CACNA1D: variants seen among roughly 807,000 people sequenced by gnomAD.
CACNA1D encodes calcium voltage-gated channel subunit alpha1 D.
CACNA1D carries 55 observed loss-of-function variants against 257.1 expected under a neutral mutation model. The ratio of observed to expected loss-of-function variants is 0.21; its 90% CI spans 0.17 to 0.27. The LOEUF (loss-of-function observed/expected upper bound fraction) is 0.27, where lower values mean the gene tolerates loss of function less well. Ranked by LOEUF, CACNA1D falls within the 10% of genes least tolerant of loss-of-function variation. The pLI is 1.00. For synonymous variants in CACNA1D, 980 were observed against 1,014.9 expected (o/e 0.97, Z 0.65); for missense variants, 1,876 against 2,784.0 (o/e 0.67, Z 7.34).
chr3:53,495,252 G>A lies in CACNA1D; in HGVS notation c.67+19G>A, dbSNP rs1274414566. ...GCGAACGGTGAGCAGCCAGAGCCCG[G>A]GCACCCGCTGCCAAATCCGATCCTG... On this transcript the variant is annotated intron_variant, in intron 1 of 47. Transcript: ENST00000350061. The surrounding 1 kb of genome is among the most constrained non-coding windows in gnomAD (Gnocchi z 5.1). 3 of 1,613,310 alleles carry A rather than the reference G, an allele frequency of 1.9e-6. No homozygotes were observed. Among genetic ancestry groups the A allele is most frequent in the Admixed American group, 1.7e-5 (1 of 60,020 alleles).
chr3:53,501,249 G>A (rs375737340), intron 2 of CACNA1D, among the ~76,000 whole-genome samples: 1 of 152,218 alleles, frequency 6.6e-6, no homozygotes, highest in African/African-American at 2.4e-5. Context: ...TACCACAGCC[G>A]GGAACTTAGT....
intron 3 of CACNA1D, among the ~76,000 whole-genome samples, chr3:53,548,553 G>C (rs1553723275): frequency 6.6e-6 from 1 of 152,058 alleles, no homozygotes; most frequent in Non-Finnish European, 1.5e-5. Context: ...CAGGTTGCTT[G>C]CCCCTGCAGG....
intron 8 of CACNA1D, among the ~76,000 whole-genome samples, chr3:53,680,372 A>G (rs2094418533): frequency 6.6e-6 from 1 of 151,816 alleles, no homozygotes; most frequent in Non-Finnish European, 1.5e-5. Flanking sequence ...TAATGTACAG[A>G]AAGACCTCTG....
intron 8 of CACNA1D, among the ~76,000 whole-genome samples, chr3:53,685,015 C>T (rs1001155360): frequency 7.9e-5 from 12 of 151,960 alleles, no homozygotes; most frequent in African/African-American, 1.5e-4. Context: ...GTACCAACAA[C>T]GAGATGGTAG....
intron 9 of CACNA1D, among the ~76,000 whole-genome samples, chr3:53,708,143 G>A (rs1282160985): frequency 1.3e-5 from 2 of 152,240 alleles, no homozygotes; most frequent in African/African-American, 2.4e-5. Context: ...TGCTTTGGGG[G>A]TGGACAGAAA....
intron 39 of CACNA1D, among the ~76,000 whole-genome samples, chr3:53,782,145 G>C (rs1328322268): frequency 6.6e-6 from 1 of 150,490 alleles, no homozygotes; most frequent in Non-Finnish European, 1.5e-5. Context: ...TAACTAACAG[G>C]CATGCTTATT....
intron 9 of CACNA1D, among the ~76,000 whole-genome samples, chr3:53,704,107 C>T (rs999832338): frequency 9.9e-5 from 15 of 152,140 alleles, no homozygotes; most frequent in Middle Eastern, 3.4e-3. Flanking sequence ...GTATGAAGGT[C>T]GGGGTGAGCT....
intron 18 of CACNA1D, 105 bp from the exon 19 acceptor site, chr3:53,732,710 A>G (rs1559590724): frequency 1.0e-6 from 1 of 983,606 alleles, no homozygotes; most frequent in East Asian, 2.4e-5. Flanking sequence ...GTAAGCAGGT[A>G]GATGTTGTTA....
intron 9 of CACNA1D, among the ~76,000 whole-genome samples, chr3:53,712,279 T>C (rs1297701535): frequency 6.6e-6 from 1 of 152,220 alleles, no homozygotes; most frequent in African/African-American, 2.4e-5. Flanking sequence ...TGGCTTTTTA[T>C]TGACTGAAAT....
rs1295574552 is a variant in CACNA1D at position 53,749,506 on chromosome 3, G to A, written c.3516+37G>A. 7 of 1,456,456 alleles carry A rather than the reference G, an allele frequency of 4.8e-6. No homozygotes were observed. The African/African-American group carries it at 8.4e-5, about 17-fold the overall frequency. 90.2% of individuals were successfully genotyped at this position (1,456,456 alleles called of 1,614,324 possible). ...ACACTGTTTTGGCTTCTGTCCCTTGGTCAGGAGCGGAGTGCCTTCTTTATT... is the reference window on the plus strand; with the variant it reads ...ACACTGTTTTGGCTTCTGTCCCTTGATCAGGAGCGGAGTGCCTTCTTTATT... On this transcript the variant is annotated intron_variant, in intron 27 of 47. Coordinates refer to ENST00000350061, the MANE Select transcript of CACNA1D (RefSeq NM_001128840.3).
chr3:53,590,249 C>A (rs1170449166), intron 3 of CACNA1D, among the ~76,000 whole-genome samples: 1 of 152,222 alleles, frequency 6.6e-6, no homozygotes, highest in East Asian at 1.9e-4. Flanking sequence ...AGCTTCTAGA[C>A]CGTGTCCTCT....
intron 38 of CACNA1D, among the ~76,000 whole-genome samples, chr3:53,780,646 T>C (rs2095420888): frequency 6.6e-6 from 1 of 152,230 alleles, no homozygotes. Flanking sequence ...TCTTCCCAGC[T>C]GAGAGACCAA....
intron 3 of CACNA1D, among the ~76,000 whole-genome samples, chr3:53,631,938 C>T (rs1245070013): frequency 6.6e-6 from 1 of 152,212 alleles, no homozygotes; most frequent in East Asian, 1.9e-4. Flanking sequence ...GCTTTGTTTT[C>T]CATTTATAGA....
chr3:53,710,419 AAG>A (rs1457401386), intron 9 of CACNA1D: 1 of 456,644 alleles, frequency 2.2e-6, no homozygotes, highest in Non-Finnish European at 4.4e-6. Flanking sequence ...GACTTGCTTA[AAG>A]AGGATAAGAA....
intron 3 of CACNA1D, among the ~76,000 whole-genome samples, chr3:53,601,518 G>A (rs1330362864): frequency 6.6e-6 from 1 of 152,108 alleles, no homozygotes; most frequent in Non-Finnish European, 1.5e-5. Context: ...AAATTAGCTG[G>A]GAAGATTTTG....
chr3:53,693,396 T>A (rs560831276), intron 8 of CACNA1D, among the ~76,000 whole-genome samples: 1 of 152,060 alleles, frequency 6.6e-6, no homozygotes, highest in Non-Finnish European at 1.5e-5. Flanking sequence ...TTTGATGAAC[T>A]ATGAGCTGAG....
chr3:53,772,185 G>A (rs1030909360), intron 32 of CACNA1D, among the ~76,000 whole-genome samples: 6 of 152,194 alleles, frequency 3.9e-5, no homozygotes, highest in South Asian at 2.1e-4. Flanking sequence ...CACACTTGGC[G>A]ACCCCCCAGC....
chr3:53,756,361 G>C (rs866143178), intron 29 of CACNA1D, among the ~76,000 whole-genome samples: 2 of 152,190 alleles, frequency 1.3e-5, no homozygotes, highest in Admixed American at 6.5e-5. Flanking sequence ...AGAGGGAGGT[G>C]GGAAGTAGAC....
At chr3:53,647,265 A>G (rs1053498735) in intron 3 of CACNA1D, among the ~76,000 whole-genome samples, 1 of 152,180 alleles carries the variant, frequency 6.6e-6, no homozygotes, top group African/African-American at 2.4e-5. Context: ...ACTGAGTGCC[A>G]CAGGTGTGAC....
Sources: gnomAD v4.1 joint callset for allele counts (sites outside exome capture counted in the v4.1 genomes callset) on GRCh38, gnomAD v4.1.1 for gene constraint, Gnocchi (gnomAD v3.1) non-coding constraint, MANE v1.5 for transcripts, NCBI Gene and HGNC (gene_info 2026-07-23, HGNC 2026-07-21) for gene names.